Variants in PLD6 observed in about 807,000 individuals in gnomAD.
PLD6 encodes mitochondrial cardiolipin hydrolase.
PLD6 carries 10 observed loss-of-function variants against 9.7 expected under a neutral mutation model. The ratio of observed to expected loss-of-function variants is 1.03; its 90% CI spans 0.64 to 1.75. PLD6 has a LOEUF of 1.75. Ranked by LOEUF, PLD6 falls within the 40% of genes most tolerant of loss-of-function variation. PLD6 has a pLI of 0.00. For synonymous variants in PLD6, 152 were observed against 159.2 expected, an observed-to-expected ratio of 0.96 and a Z score of 0.34; for missense variants, 334 against 347.6, an observed-to-expected ratio of 0.96 and a Z score of 0.31.
Position 17,202,914 on chromosome 17 carries a change from G to A in PLD6, c.612C>T (p.Arg204=). The A allele has an allele frequency of 6.2e-7, 1 of 1,614,182 alleles. No homozygotes were observed. Among genetic ancestry groups the A allele is most frequent in the Non-Finnish European group, 8.5e-7 (1 of 1,180,036 alleles). Residue 204 remains arginine, a synonymous_variant, in exon 2 of 2, where the codon CGC becomes CGT. Transcript: ENST00000321560. Reference sequence around the variant, plus strand: ...TTGTAGGGTTAAACTGTTCCCAGATGCGCTCAAATTCTTCCAGAAAAAGCC... The same window carrying A: ...TTGTAGGGTTAAACTGTTCCCAGATACGCTCAAATTCTTCCAGAAAAAGCC... ...YVRLFLEEFE[R]IWEQFNPTKY... is the part of the protein sequence containing the mutation.
chr17:17,204,199 CAG>C (rs1363759980), intron 1 of PLD6, among the ~76,000 whole-genome samples: 1 of 152,228 alleles, frequency 6.6e-6, no homozygotes, highest in Non-Finnish European at 1.5e-5. Flanking sequence ...CCTCTGGCCA[CAG>C]GGGACTTCCT....
At chr17:17,204,424 A>G (rs908727806) in intron 1 of PLD6, 6 of 152,380 alleles carry the variant, frequency 3.9e-5, no homozygotes, top group African/African-American at 1.4e-4. Context: ...GGCCCTTCTC[A>G]GTGCCCTAAA....
intron 1 of PLD6, among the ~76,000 whole-genome samples, chr17:17,204,124 C>T (rs1380005911): frequency 6.6e-6 from 1 of 152,190 alleles, no homozygotes; most frequent in Non-Finnish European, 1.5e-5. Context: ...CCCACCATCG[C>T]CCACACCTCC....
rs187908734 is a variant in PLD6 at position 17,206,303 on chromosome 17, G to A, written c.-17C>T. ...CCGTCCCATGCCGCCGCTAATCCGG[G>A]ACCCACAGCCACGCCGCCGCAGCGG... On this transcript the variant is annotated 5_prime_UTR_variant, in exon 1 of 2. Transcript: ENST00000321560. 1.7e-3 allele frequency: 2,507 copies of A among 1,515,712 alleles called. 32 individuals are homozygous for A. The African/African-American group carries it at 0.029, about 18-fold the overall frequency. 93.9% of individuals were successfully genotyped at this position (1,515,712 alleles called of 1,614,324 possible).
chr17:17,206,325 G>A lies in PLD6; in HGVS notation c.-39C>T, dbSNP rs1489671946. 6.8e-7 allele frequency: 1 copy of A among 1,476,408 alleles called. No individual in the cohort carries two copies. 91.5% of individuals were successfully genotyped at this position (1,476,408 alleles called of 1,614,324 possible). ...CGGGACCCACAGCCACGCCGCCGCAGCGGAGTCTGCGCGCCCCCAGCCCTA... is the reference window on the plus strand; with the variant it reads ...CGGGACCCACAGCCACGCCGCCGCAACGGAGTCTGCGCGCCCCCAGCCCTA... On this transcript the variant is annotated 5_prime_UTR_variant, in exon 1 of 2. Coordinates refer to ENST00000321560, the MANE Select transcript of PLD6 (RefSeq NM_178836.4).
At position 17,202,507 on chromosome 17, in the gene PLD6, C is replaced by A; in HGVS notation, c.*260G>T. The A allele has an allele frequency of 2.1e-6, 1 of 472,424 alleles. No individual in the cohort carries two copies. Among genetic ancestry groups the A allele is most frequent in the East Asian group, 3.7e-5 (1 of 27,200 alleles). The allele number at this position is 472,424 out of a possible 1,614,324, so 29.3% of individuals were successfully genotyped here. ...TGTGCTGTAGCAGAAGTTTCGATTCCAAACCAAGATACGGACCACACTCAT... is the reference window on the plus strand; with the variant it reads ...TGTGCTGTAGCAGAAGTTTCGATTCAAAACCAAGATACGGACCACACTCAT... On this transcript the variant is annotated 3_prime_UTR_variant, in exon 2 of 2. Transcript: ENST00000321560.
rs1373405692 is a variant in PLD6, at chr17:17,202,803, G to C, written c.723C>G (p.His241Gln). 1 of 1,614,028 alleles carries C rather than the reference G, an allele frequency of 6.2e-7. No individual in the cohort carries two copies. The highest frequency in any genetic ancestry group is 1.3e-5 in the African/African-American group (1 of 74,926). The change falls in exon 2 of 2, where the codon CAC (histidine) becomes CAG (glutamine). Residue 241 changes from histidine (H) to glutamine (Q), a missense_variant. Coordinates refer to ENST00000321560, the MANE Select transcript of PLD6 (RefSeq NM_178836.4). Reference sequence around the variant, plus strand: ...TTTCGCTGGAGGTGCCGCAAGTTCTGTGCCATGAAAGCAATCTCCCTCCAG... The same window carrying C: ...TTTCGCTGGAGGTGCCGCAAGTTCTCTGCCATGAAAGCAATCTCCCTCCAG... ...SRAGGRLLSW[H>Q]RTCGTSSESQ...
Position 17,201,577 on chromosome 17 carries a change from C to A in PLD6, c.*1190G>T. 6.6e-6 allele frequency: 1 copy of A among 152,452 alleles called. No individual in the cohort carries two copies. 9.4% of individuals were successfully genotyped at this position (152,452 alleles called of 1,614,324 possible). ...TCCCCGCTCTCCTCTCCTCCGGTCC[C>A]GTGATGGGTTACGCTGAGCCAGCAA... On this transcript the variant is annotated 3_prime_UTR_variant, in exon 2 of 2. Transcript: ENST00000321560.
intron 1 of PLD6, among the ~76,000 whole-genome samples, chr17:17,205,240 C>T (rs1343143364): frequency 6.6e-6 from 1 of 152,146 alleles, no homozygotes; most frequent in Non-Finnish European, 1.5e-5. Context: ...GAGAGGCGCC[C>T]CCGCCAGAAA....
Position 17,202,494 on chromosome 17 carries a change from G to A in PLD6, c.*273C>T, listed in dbSNP as rs575865318. The A allele has an allele frequency of 2.2e-6, 1 of 447,284 alleles. No homozygotes were observed. The highest frequency in any genetic ancestry group is 4.1e-6 in the Non-Finnish European group (1 of 246,094). The allele number at this position is 447,284 out of a possible 1,614,324, so 27.7% of individuals were successfully genotyped here. Reference sequence around the variant, plus strand: ...ACTGTGCCTTTTCTGTGCTGTAGCAGAAGTTTCGATTCCAAACCAAGATAC... The same window carrying A: ...ACTGTGCCTTTTCTGTGCTGTAGCAAAAGTTTCGATTCCAAACCAAGATAC... On this transcript the variant is annotated 3_prime_UTR_variant, in exon 2 of 2. Transcript: ENST00000321560.
At chr17:17,203,566 A>C (rs944358000) in intron 1 of PLD6, among the ~76,000 whole-genome samples, 1 of 130,852 alleles carries the variant, frequency 7.6e-6, no homozygotes, top group Middle Eastern at 3.4e-3. Flanking sequence ...AACCTCGGCC[A>C]CCAAGGCAGG....
rs1008682466 is a variant in PLD6 at position 17,202,897 on chromosome 17, T to G, written c.629A>C (p.Asn210Thr). The change falls in exon 2 of 2, where the codon AAC becomes ACC. Residue 210 changes from asparagine to threonine, a missense_variant. Coordinates refer to ENST00000321560, the MANE Select transcript of PLD6 (RefSeq NM_178836.4). Reference sequence around the variant, plus strand: ...TGGGAAAAAGGTATACTTTGTAGGGTTAAACTGTTCCCAGATGCGCTCAAA... The same window carrying G: ...TGGGAAAAAGGTATACTTTGTAGGGGTAAACTGTTCCCAGATGCGCTCAAA... ...EEFERIWEQF[N>T]PTKYTFFPPK... 5 of 1,614,160 alleles carry G rather than the reference T, an allele frequency of 3.1e-6. No homozygotes were observed. The highest frequency in any genetic ancestry group is 4.2e-6 in the Non-Finnish European group (5 of 1,180,036).
At chr17:17,203,704 T>C (rs1027124762) in intron 1 of PLD6, among the ~76,000 whole-genome samples, 5 of 152,184 alleles carry the variant, frequency 3.3e-5, no homozygotes, top group African/African-American at 9.7e-5. Flanking sequence ...GAAGGGCCTG[T>C]GTCTGTCTCC....
At position 17,206,173 on chromosome 17, in the gene PLD6, C is replaced by G. The variant is rs749726517; in HGVS notation, c.114G>C (p.Arg38=). The change falls in exon 1 of 2, where the codon CGG becomes CGC. Residue 38 remains arginine, a synonymous_variant. Transcript: ENST00000321560. The stretch of plus-strand genomic sequence containing the variant: ...GAGACGGGAAGAACAGCGCCTCGCG[C>G]CGCGGCCGCCGCCGCCTGGACCGCA... ...RWLRSRRRRP[R]REALFFPSQV... The G allele has an allele frequency of 4.6e-6, 7 of 1,507,650 alleles. No individual in the cohort carries two copies. The South Asian group carries it at 7.4e-5, about 16-fold the overall frequency. The allele number at this position is 1,507,650 out of a possible 1,614,324, so 93.4% of individuals were successfully genotyped here. A position where few individuals can be genotyped will look rare whatever the true frequency, so the allele number is the denominator to read the frequency against.
chr17:17,203,378 T>C (rs1251697547), intron 1 of PLD6, among the ~76,000 whole-genome samples: 1 of 152,180 alleles, frequency 6.6e-6, no homozygotes, highest in East Asian at 1.9e-4. Context: ...CCAGCCAGTA[T>C]GTCCCTTCGG....
At chr17:17,203,433 G>A (rs1370263470) in intron 1 of PLD6, among the ~76,000 whole-genome samples, 4 of 152,186 alleles carry the variant, frequency 2.6e-5, no homozygotes, top group Non-Finnish European at 5.9e-5. Flanking sequence ...AGTCAGAGGT[G>A]ACCAGGGCAA....
chr17:17,206,081 CAGCCCTCGGGG>C lies in PLD6; in HGVS notation c.195_205del (p.Glu67ValfsTer133). On this transcript the variant is annotated frameshift_variant, in exon 1 of 2. Transcript: ENST00000321560. LOFTEE classifies it high-confidence loss of function. ...CTCGCCGTGGGGCAGGCCGCACGGG[CAGCCCTCGGGG>C]AGCTCGGCCAGCTCCGCGCCCGGAG... 1 of 1,502,996 alleles carries C rather than the reference CAGCCCTCGGGG, an allele frequency of 6.7e-7. No homozygotes were observed. The highest frequency in any genetic ancestry group is 1.3e-5 in the South Asian group (1 of 79,354). The allele number at this position is 1,502,996 out of a possible 1,614,324, so 93.1% of individuals were successfully genotyped here. A position where few individuals can be genotyped will look rare whatever the true frequency, so the allele number is the denominator to read the frequency against.
chr17:17,205,954 C>A lies in PLD6; in HGVS notation c.333G>T (p.Gln111His), dbSNP rs764156084. The A allele has an allele frequency of 1.3e-6, 2 of 1,559,486 alleles. No individual in the cohort carries two copies. The highest frequency in any genetic ancestry group is 4.8e-5 in the East Asian group (2 of 41,886). ...CTCGCACCCCACGCTGGTGCAGCAA[C>A]TGCACGGCGCGGCCCAGCTGCGGGC... ...FSSPQLGRAV[Q>H]LLHQRGVRVR... The change falls in exon 1 of 2, where the codon CAG (glutamine) becomes CAT (histidine). Residue 111 changes from glutamine to histidine, a missense_variant. Physicochemically the swap from Gln to His is conservative, Grantham distance 24 (BLOSUM62 0). Transcript: ENST00000321560.
At chr17:17,205,641 C>G (rs1305719610) in intron 1 of PLD6, among the ~76,000 whole-genome samples, 1 of 152,244 alleles carries the variant, frequency 6.6e-6, no homozygotes, top group African/African-American at 2.4e-5. Flanking sequence ...ACCGCGGAGG[C>G]ACCGAGGGTC....
Sources: gnomAD v4.1 joint callset for allele counts (sites outside exome capture counted in the v4.1 genomes callset) on GRCh38, gnomAD v4.1.1 for gene constraint, MANE v1.5 for transcripts, NCBI Gene and HGNC (gene_info 2026-07-23, HGNC 2026-07-21) for gene names.